Variants in SEPTIN9 observed in about 807,000 individuals in gnomAD.
SEPTIN9 encodes septin-9.
Under a neutral mutation model 56.6 loss-of-function variants are expected in SEPTIN9, and 13 were observed. The ratio of observed to expected loss-of-function variants is 0.23; its 90% confidence interval spans 0.15 to 0.37. The LOEUF is 0.37. Among genes scored for constraint, SEPTIN9 ranks in the 10% least tolerant of loss-of-function variants. The pLI is 1.00. For missense variants in SEPTIN9, 650 were observed against 823.1 expected, an observed-to-expected ratio of 0.79 and a Z score of 2.57; for synonymous variants, 332 against 334.1, an observed-to-expected ratio of 0.99 and a Z score of 0.07.
At chr17:77,302,905 G>C (rs6501948) in intron 1 of SEPTIN9, among the ~76,000 whole-genome samples, 12,154 of 152,070 alleles carry the variant, frequency 0.08, 670 homozygotes, top group East Asian at 0.19. Flanking sequence ...GGCGCCCTAA[G>C]TTTGCTCTTT....
chr17:77,440,574 C>T (rs2037508237), intron 3 of SEPTIN9, among the ~76,000 whole-genome samples: 1 of 152,232 alleles, frequency 6.6e-6, no homozygotes, highest in South Asian at 2.1e-4. Context: ...TTTTTCTCTT[C>T]CAATTCAGAG....
At position 77,450,830 on chromosome 17, in the gene SEPTIN9, C is replaced by T; in HGVS notation, c.722-31314C>T. 2 of 984,214 alleles carry T rather than the reference C, an allele frequency of 2.0e-6. No individual in the cohort carries two copies. The highest frequency in any genetic ancestry group is 2.4e-6 in the Non-Finnish European group (2 of 828,742). 61.0% of individuals were successfully genotyped at this position (984,214 alleles called of 1,614,324 possible). A position where few individuals can be genotyped will look rare whatever the true frequency, so the allele number is the denominator to read the frequency against. On this transcript the variant is annotated intron_variant, in intron 3 of 11. Coordinates refer to ENST00000427177, the MANE Select transcript of SEPTIN9 (RefSeq NM_001113491.2). The surrounding 1 kb of genome is among the most constrained non-coding windows in gnomAD (Gnocchi z 6.0). ...CCCTGCCCCTCCTCTCCTGCTCCTTCTCCCTTCCATGGTCCCAGCCAGCAA... is the reference window on the plus strand; with the variant it reads ...CCCTGCCCCTCCTCTCCTGCTCCTTTTCCCTTCCATGGTCCCAGCCAGCAA...
At chr17:77,465,123 T>C (rs2038658021) in intron 3 of SEPTIN9, among the ~76,000 whole-genome samples, 1 of 152,234 alleles carries the variant, frequency 6.6e-6, no homozygotes, top group Admixed American at 6.5e-5. Flanking sequence ...CTCCTTTCAC[T>C]TGGTAGAATA....
rs111537102 is a variant in SEPTIN9 at position 77,431,005 on chromosome 17, G to A, written c.721+28302G>A. Among the ~76,000 whole-genome samples, 4 of 130,264 alleles carry A rather than the reference G, an allele frequency of 3.1e-5. 1 individual carries two copies. The allele number at this position is 130,264 out of a possible 152,430, so 85.5% of individuals were successfully genotyped here. ...TACTCCGTATCAAAAAAAAAAAAAA[G>A]AAGAAGAACAAGAAGTGCTAAGAAG... is the stretch of plus-strand genomic sequence containing the variant. On this transcript the variant is annotated intron_variant, in intron 3 of 11. Coordinates refer to ENST00000427177, the MANE Select transcript of SEPTIN9 (RefSeq NM_001113491.2).
chr17:77,455,694 GA>G (rs1265967287), intron 3 of SEPTIN9, among the ~76,000 whole-genome samples: 1 of 152,216 alleles, frequency 6.6e-6, no homozygotes, highest in East Asian at 1.9e-4. Context: ...TCTGTCACTA[GA>G]ACGGACATGA....
chr17:77,394,356 C>T (rs1353826540), intron 2 of SEPTIN9, among the ~76,000 whole-genome samples: 1 of 152,176 alleles, frequency 6.6e-6, no homozygotes, highest in Non-Finnish European at 1.5e-5. Context: ...TTCCTGCAGG[C>T]TCAGGGTAGC....
In SEPTIN9 at chr17:77,487,592, T is replaced by G. The variant is rs777779090; in HGVS notation, c.1042+40T>G. 6.2e-7 allele frequency: 1 copy of G among 1,603,992 alleles called. No individual in the cohort carries two copies. The highest frequency in any genetic ancestry group is 8.5e-7 in the Non-Finnish European group (1 of 1,176,586). On this transcript the variant is annotated intron_variant, in intron 5 of 11. Coordinates refer to ENST00000427177, the MANE Select transcript of SEPTIN9 (RefSeq NM_001113491.2). The surrounding 1 kb of genome is among the most constrained non-coding windows in gnomAD (Gnocchi z 4.3). ...GTGGGCTGGGGGTGCAGGACGCCCC[T>G]GCCTTCCTGGAGCACAGGGGTTGGG...
chr17:77,390,803 C>G (rs1013327770), intron 2 of SEPTIN9, among the ~76,000 whole-genome samples: 4 of 152,226 alleles, frequency 2.6e-5, no homozygotes, highest in Non-Finnish European at 4.4e-5. Flanking sequence ...GTGGTTACTC[C>G]AAGACCTTGC....
chr17:77,478,378 G>C (rs1473181596), intron 3 of SEPTIN9, among the ~76,000 whole-genome samples: 2 of 152,168 alleles, frequency 1.3e-5, no homozygotes. Flanking sequence ...CCACTTCTGG[G>C]TGTGGATTCA....
At chr17:77,458,813 C>A (rs2038332005) in intron 3 of SEPTIN9, among the ~76,000 whole-genome samples, 1 of 152,174 alleles carries the variant, frequency 6.6e-6, no homozygotes, top group African/African-American at 2.4e-5. Flanking sequence ...GATGGAGTGT[C>A]CCAGGAAGGT....
Position 77,471,291 on chromosome 17 carries a change from G to A in SEPTIN9, c.722-10853G>A, listed in dbSNP as rs1247076229. Among the ~76,000 whole-genome samples, 9 of 152,208 alleles carry A rather than the reference G, an allele frequency of 5.9e-5. 1 individual carries two copies. Among genetic ancestry groups the A allele is most frequent in the Admixed American group, 5.2e-4 (8 of 15,288 alleles). ...CTGCCTGTCCCCTACCCCCAAGCAG[G>A]CCGTGCCTCCAGCCCCCTGCTGTCT... is the stretch of plus-strand genomic sequence containing the variant. On this transcript the variant is annotated intron_variant, in intron 3 of 11. Transcript: ENST00000427177.
intron 3 of SEPTIN9, among the ~76,000 whole-genome samples, chr17:77,477,093 T>A (rs2039244751): frequency 6.6e-6 from 1 of 151,004 alleles, no homozygotes; most frequent in Non-Finnish European, 1.5e-5. Context: ...TCCCCTCCCT[T>A]TTTTCCTTCC....
intron 3 of SEPTIN9, chr17:77,444,799 C>T: frequency 4.0e-6 from 1 of 251,632 alleles, no homozygotes. Context: ...GGGCGGACAC[C>T]AGATGGCTCG....
rs767006368 is a variant in SEPTIN9 at position 77,482,240 on chromosome 17, C to T, written c.818C>T (p.Pro273Leu). 48 of 1,612,896 alleles carry T rather than the reference C, an allele frequency of 3.0e-5. No individual in the cohort carries two copies. In the Admixed American group the frequency reaches 4.2e-4, roughly 14 times the overall value. ...CCTGCATCACGGAACGAGAAGGCCC[C>T]GGTGGACTTCGGCTACGTGGGGATT... is the stretch of plus-strand genomic sequence containing the variant. The part of the protein sequence containing the change: ...QAPASRNEKA[P>L]VDFGYVGIDS... The change falls in exon 4 of 12, where the codon CCG (proline) becomes CTG (leucine). Residue 273 changes from proline to leucine, a missense_variant. By Grantham distance (98) the Pro-to-Leu change is moderately conservative (BLOSUM62 -3). Transcript: ENST00000427177.
intron 10 of SEPTIN9, among the ~76,000 whole-genome samples, chr17:77,494,526 G>C (rs1372479745): frequency 2.6e-5 from 4 of 152,234 alleles, no homozygotes; most frequent in Non-Finnish European, 5.9e-5. Context: ...CAAGATTTTA[G>C]TGAGTTGAGA....
rs1274300899 is a variant in SEPTIN9, at chr17:77,498,723, C to T, written c.*65C>T. ...ATTTCCGTCCCCCCCCAGGCCCTCC[C>T]ACCACCCCATTTTATTTTATATGAT... On this transcript the variant is annotated 3_prime_UTR_variant, in exon 12 of 12. Transcript: ENST00000427177. 5.3e-6 allele frequency: 5 copies of T among 941,306 alleles called. No homozygotes were observed. In the East Asian group the frequency reaches 1.3e-4, roughly 25 times the overall value. The allele number at this position is 941,306 out of a possible 1,614,324, so 58.3% of individuals were successfully genotyped here.
chr17:77,290,458 A>C (rs2031491449), intron 1 of SEPTIN9, among the ~76,000 whole-genome samples: 1 of 150,656 alleles, frequency 6.6e-6, no homozygotes, highest in African/African-American at 2.4e-5. Flanking sequence ...GCGGGGTTTC[A>C]CCATGTTAGC....
At chr17:77,335,041 C>T (rs936535412) in intron 2 of SEPTIN9, among the ~76,000 whole-genome samples, 2 of 150,970 alleles carry the variant, frequency 1.3e-5, no homozygotes, top group African/African-American at 2.4e-5. Flanking sequence ...CATATTGGCC[C>T]TATGTTGACT....
chr17:77,383,043 C>T (rs1176964934), intron 2 of SEPTIN9, among the ~76,000 whole-genome samples: 5 of 152,112 alleles, frequency 3.3e-5, no homozygotes, highest in African/African-American at 4.8e-5. Flanking sequence ...GGACCTCACT[C>T]AAATATTTAC....
Sources: gnomAD v4.1 joint callset for allele counts (sites outside exome capture counted in the v4.1 genomes callset) on GRCh38, gnomAD v4.1.1 for gene constraint, Gnocchi (gnomAD v3.1) non-coding constraint, MANE v1.5 for transcripts, NCBI Gene and HGNC (gene_info 2026-07-23, HGNC 2026-07-21) for gene names.